Variants in FNDC3B observed in about 807,000 individuals in gnomAD.
The protein encoded by FNDC3B is fibronectin type III domain containing 3B, also known as fibronectin type III domain-containing protein 3B.
FNDC3B carries 12 observed loss-of-function variants against 151.5 expected under a neutral mutation model. The ratio of observed to expected loss-of-function variants is 0.08; its 90% CI spans 0.05 to 0.13. The LOEUF (loss-of-function observed/expected upper bound fraction) is 0.13, where lower values mean the gene tolerates loss of function less well. Among genes scored for constraint, FNDC3B ranks in the 10% least tolerant of loss-of-function variants. The pLI, the probability that FNDC3B is intolerant of heterozygous loss-of-function variation, is 1.00. For missense variants in FNDC3B, 1,214 were observed against 1,505.3 expected (o/e 0.81, Z 3.20); for synonymous variants, 528 against 549.0 (o/e 0.96, Z 0.54).
At position 172,330,543 on chromosome 3, in the gene FNDC3B, G is replaced by T; in HGVS notation, c.1382G>T (p.Gly461Val). 6.2e-7 allele frequency: 1 copy of T among 1,611,954 alleles called. No individual in the cohort carries two copies. Among genetic ancestry groups the T allele is most frequent in the Non-Finnish European group, 8.5e-7 (1 of 1,178,784 alleles). The change falls in exon 13 of 26, where the codon GGT becomes GTT. Residue 461 changes from glycine to valine, a missense_variant and splice_region_variant. Gly to Val is a moderately radical substitution (Grantham distance 109). Around this residue, in one of 7 missense-constraint regions of FNDC3B, gnomAD observed 111 missense variants for 96.8 expected, o/e 1.15. Transcript: ENST00000415807. ...LAARNDIGTS[G>V]YSQEVVCYTL... ...TGCCTCACTTTCTTTCTCTACAGTG[G>T]TTATAGCCAAGAGGTGGTGTGCTAC...
chr3:172,168,446 C>G (rs1221175187), intron 3 of FNDC3B, among the ~76,000 whole-genome samples: 1 of 152,178 alleles, frequency 6.6e-6, no homozygotes, highest in Non-Finnish European at 1.5e-5. Context: ...TGGAGTAGTA[C>G]TGAGCTGACA....
chr3:172,160,326 G>T (rs993445662), intron 3 of FNDC3B, among the ~76,000 whole-genome samples: 3 of 152,264 alleles, frequency 2.0e-5, no homozygotes, highest in African/African-American at 7.2e-5. Flanking sequence ...GCTGCCTCTT[G>T]TGCCTCCCAG....
intron 1 of FNDC3B, among the ~76,000 whole-genome samples, chr3:172,043,603 T>G (rs1004769123): frequency 6.6e-6 from 1 of 152,236 alleles, no homozygotes; most frequent in Non-Finnish European, 1.5e-5. Flanking sequence ...AGTTCATTTT[T>G]CTTTCTTCTA....
intron 4 of FNDC3B, among the ~76,000 whole-genome samples, chr3:172,246,887 A>C (rs561534816): frequency 1.4e-4 from 21 of 152,334 alleles, no homozygotes; most frequent in African/African-American, 4.8e-4. Context: ...ACATCTTGGG[A>C]GCAAAAGTGT....
At chr3:172,366,798 G>A (rs1480324911) in intron 23 of FNDC3B, among the ~76,000 whole-genome samples, 1 of 152,232 alleles carries the variant, frequency 6.6e-6, no homozygotes, top group East Asian at 1.9e-4. Context: ...AAGGATGCCA[G>A]TCTTGTAACC....
rs56734927 is a variant in FNDC3B, at chr3:172,068,741, A to G, written c.-29+28970A>G. 4.2e-3 allele frequency among the ~76,000 whole-genome samples: 644 copies of G among 152,304 alleles called. 5 individuals are homozygous for G. Among genetic ancestry groups the G allele is most frequent in the African/African-American group, 0.015 (603 of 41,562 alleles). On this transcript the variant is annotated intron_variant, in intron 1 of 25. Transcript: ENST00000415807. ...TGCCCGGCCAGAGGAGCCCTCATTT[A>G]TAGCAAGAATAAAAACATTTTGTCA...
chr3:172,360,913 G>T (rs896108797), intron 22 of FNDC3B, among the ~76,000 whole-genome samples: 2 of 152,156 alleles, frequency 1.3e-5, no homozygotes, highest in East Asian at 1.9e-4. Context: ...AGCTATTTTA[G>T]TTCCTTTGCC....
chr3:172,075,766 C>A (rs1459481087), intron 1 of FNDC3B, among the ~76,000 whole-genome samples: 1 of 130,958 alleles, frequency 7.6e-6, no homozygotes, highest in South Asian at 2.4e-4. Flanking sequence ...CACACACACA[C>A]AAACATTTAT....
chr3:172,319,780 A>G (rs946230118), intron 11 of FNDC3B, among the ~76,000 whole-genome samples: 3 of 152,212 alleles, frequency 2.0e-5, no homozygotes, highest in African/African-American at 7.2e-5. Context: ...GATGTTGCCT[A>G]GGATCAGCCG....
intron 2 of FNDC3B, among the ~76,000 whole-genome samples, chr3:172,126,492 C>G (rs1161756898): frequency 6.6e-6 from 1 of 152,156 alleles, no homozygotes; most frequent in Non-Finnish European, 1.5e-5. Flanking sequence ...TCTAGTAACT[C>G]AAATCTAGAA....
intron 1 of FNDC3B, among the ~76,000 whole-genome samples, chr3:172,100,711 A>T (rs1719339422): frequency 6.6e-6 from 1 of 152,162 alleles, no homozygotes; most frequent in African/African-American, 2.4e-5. Context: ...TCTAAGTAAC[A>T]CCTGGTATTT....
intron 4 of FNDC3B, among the ~76,000 whole-genome samples, chr3:172,231,643 G>A (rs780367318): frequency 4.6e-5 from 7 of 152,200 alleles, no homozygotes; most frequent in East Asian, 1.9e-4. Flanking sequence ...TCACTGTCCT[G>A]TCTTTACATA....
At chr3:172,353,497 C>G (rs141715930) in intron 22 of FNDC3B, among the ~76,000 whole-genome samples, 1 of 152,160 alleles carries the variant, frequency 6.6e-6, no homozygotes, top group Non-Finnish European at 1.5e-5. Flanking sequence ...ATTGGAGATA[C>G]GTTGACTTTT....
At chr3:172,195,607 G>A (rs1192182542) in intron 3 of FNDC3B, among the ~76,000 whole-genome samples, 1 of 152,146 alleles carries the variant, frequency 6.6e-6, no homozygotes, top group Admixed American at 6.5e-5. Flanking sequence ...TATGCCTGGA[G>A]GTGCTTGTTT....
intron 21 of FNDC3B, among the ~76,000 whole-genome samples, chr3:172,348,348 G>A (rs1201778677): frequency 6.6e-6 from 1 of 152,208 alleles, no homozygotes; most frequent in Non-Finnish European, 1.5e-5. Flanking sequence ...GTTAAATTCA[G>A]AAGTCTGCTG....
chr3:172,387,438 T>C (rs893841313), intron 25 of FNDC3B, among the ~76,000 whole-genome samples: 1 of 152,216 alleles, frequency 6.6e-6, no homozygotes, highest in African/African-American at 2.4e-5. Context: ...CTCATTTCCC[T>C]AATACAGAAA....
At chr3:172,056,305 A>C (rs1716916906) in intron 1 of FNDC3B, among the ~76,000 whole-genome samples, 1 of 152,212 alleles carries the variant, frequency 6.6e-6, no homozygotes, top group Admixed American at 6.5e-5. Context: ...ATCTTTCATA[A>C]CATTTTTCAT....
intron 18 of FNDC3B, 84 bp downstream of exon 18, chr3:172,343,200 C>G (rs1458191325): frequency 2.5e-6 from 2 of 785,962 alleles, no homozygotes; most frequent in African/African-American, 3.4e-5. Context: ...AGTTTCAAAG[C>G]TTTCTTCTAA....
chr3:172,162,270 C>T lies in FNDC3B; in HGVS notation c.187+28724C>T, dbSNP rs187130369. Among the ~76,000 whole-genome samples the T allele has an allele frequency of 7.2e-5, 11 of 152,220 alleles. No homozygotes were observed. The East Asian group carries it at 1.7e-3, about 24-fold the overall frequency. On this transcript the variant is annotated intron_variant, in intron 3 of 25. Transcript: ENST00000415807. ...TTGGGATTATAGGCATGAGCCACCG[C>T]GCCCGGCCTCTTAGCATAATTTTTA...
Sources: gnomAD v4.1 joint callset for allele counts (sites outside exome capture counted in the v4.1 genomes callset) on GRCh38, gnomAD v4.1.1 for gene constraint, gnomAD v4.1.1 regional missense constraint, MANE v1.5 for transcripts, NCBI Gene and HGNC (gene_info 2026-07-23, HGNC 2026-07-21) for gene names.